CDC25A: variants seen among roughly 807,000 people sequenced by gnomAD.
CDC25A encodes the protein M-phase inducer phosphatase 1.
CDC25A carries 17 observed loss-of-function variants against 64.6 expected under a neutral mutation model. The observed-to-expected ratio is 0.26, with a 90% confidence interval of 0.18 to 0.39. CDC25A has a LOEUF of 0.39. Ranked by LOEUF, CDC25A falls within the 10% of genes least tolerant of loss-of-function variation. The pLI, the probability that CDC25A is intolerant of heterozygous loss-of-function variation, is 1.00. For missense variants in CDC25A, 473 were observed against 654.8 expected, an observed-to-expected ratio of 0.72 and a Z score of 3.03; for synonymous variants, 229 against 238.6, an observed-to-expected ratio of 0.96 and a Z score of 0.37.
chr3:48,172,167 C>T (rs536510665), intron 9 of CDC25A, among the ~76,000 whole-genome samples: 1 of 151,990 alleles, frequency 6.6e-6, no homozygotes, highest in Non-Finnish European at 1.5e-5. Context: ...CTGTGCCCCC[C>T]ACAAACAAAA....
intron 6 of CDC25A, among the ~76,000 whole-genome samples, chr3:48,178,285 T>C (rs968412092): frequency 1.7e-4 from 26 of 152,188 alleles, no homozygotes; most frequent in African/African-American, 5.8e-4. Context: ...TATTAGAAGG[T>C]TGCATCAGTG....
intron 9 of CDC25A, 146 bp downstream of exon 9, chr3:48,174,138 A>AAC: frequency 8.6e-6 from 6 of 694,780 alleles, no homozygotes; most frequent in Non-Finnish European, 1.4e-5. Context: ...TATTAAAAGA[A>AAC]ACACACACAC....
chr3:48,159,987 A>G (rs1450608519), intron 13 of CDC25A, among the ~76,000 whole-genome samples: 1 of 152,064 alleles, frequency 6.6e-6, no homozygotes, highest in Non-Finnish European at 1.5e-5. Flanking sequence ...AGTCCTTCAG[A>G]GGCCTACAGC....
Position 48,164,524 on chromosome 3 carries a change from A to G in CDC25A, c.1192-87T>C, listed in dbSNP as rs1364462231. 42 of 1,261,948 alleles carry G rather than the reference A, an allele frequency of 3.3e-5. 1 individual carries two copies. The highest frequency in any genetic ancestry group is 4.0e-4 in the Middle Eastern group (2 of 5,052). The allele number at this position is 1,261,948 out of a possible 1,614,324, so 78.2% of individuals were successfully genotyped here. A position where few individuals can be genotyped will look rare whatever the true frequency, so the allele number is the denominator to read the frequency against. On this transcript the variant is annotated intron_variant, in intron 12 of 14. Coordinates refer to ENST00000302506, the MANE Select transcript of CDC25A (RefSeq NM_001789.3). The stretch of plus-strand genomic sequence containing the variant: ...AAGATGTAATGATTCATCAAGAGTG[A>G]TCTTTAAGTCCACAAGACCAGTTTG...
chr3:48,160,847 C>A (rs2031727581), intron 13 of CDC25A, among the ~76,000 whole-genome samples: 1 of 152,028 alleles, frequency 6.6e-6, no homozygotes, highest in Non-Finnish European at 1.5e-5. Flanking sequence ...TAGCTTAAAC[C>A]ATTTGCCTGT....
chr3:48,165,985 TA>T, intron 10 of CDC25A, 92 bp from the exon 11 acceptor site: 1 of 923,876 alleles, frequency 1.1e-6, no homozygotes, highest in Non-Finnish European at 1.7e-6. Flanking sequence ...AGGCATCTTT[TA>T]AAAAACAAAC....
intron 12 of CDC25A, among the ~76,000 whole-genome samples, 200 bp from the exon 13 acceptor site, chr3:48,164,637 A>T (rs1336035688): frequency 6.6e-6 from 1 of 152,170 alleles, no homozygotes; most frequent in African/African-American, 2.4e-5. Context: ...GTACACGTTC[A>T]TCATACAGTA....
chr3:48,182,162 A>G (rs552661042), intron 5 of CDC25A, among the ~76,000 whole-genome samples: 1 of 152,324 alleles, frequency 6.6e-6, no homozygotes, highest in Non-Finnish European at 1.5e-5. Context: ...TCATTTCCAT[A>G]TTCTTTCTCA....
rs2032096507 is a variant in CDC25A, at chr3:48,167,936, A to T, written c.939T>A (p.His313Gln). The T allele has an allele frequency of 1.9e-6, 3 of 1,592,496 alleles. No individual in the cohort carries two copies. Among genetic ancestry groups the T allele is most frequent in the Non-Finnish European group, 2.6e-6 (3 of 1,160,382 alleles). Residue 313 changes from histidine to glutamine, a missense_variant, in exon 10 of 15, where the codon CAT becomes CAA. His to Gln is a conservative substitution (Grantham distance 24). Around this residue, in one of 2 missense-constraint regions of CDC25A, gnomAD observed 376 missense variants for 431.9 expected, o/e 0.87. Coordinates refer to ENST00000302506, the MANE Select transcript of CDC25A (RefSeq NM_001789.3). ...GGGAAGATGCCAGGGATAAAGACTG[A>T]TGAAGAGTCTGTAACAAATCAAAGG... ...TNPEKAHETL[H>Q]QSLSLASSPK... is the part of the protein sequence containing the mutation.
chr3:48,165,809 G>T (rs202211000), intron 11 of CDC25A, 22 bp downstream of exon 11: 159 of 1,596,418 alleles, frequency 1.0e-4, no homozygotes, highest in Non-Finnish European at 1.3e-4. Flanking sequence ...ATGTGTGGTG[G>T]GTTTCAAAAG....
At chr3:48,165,136 G>C (rs2031952890) in intron 12 of CDC25A, among the ~76,000 whole-genome samples, 1 of 128,966 alleles carries the variant, frequency 7.8e-6, no homozygotes, top group Non-Finnish European at 1.8e-5. Context: ...AGATTAAAAT[G>C]GCAAAATCAG....
chr3:48,157,321 C>G lies in CDC25A; in HGVS notation c.*1624G>C, dbSNP rs1559953074. ...CTTTCTTACAAACAATATCATTAAC[C>G]AGTTGGAATCTGTCTCAATGCGCGT... On this transcript the variant is annotated 3_prime_UTR_variant, in exon 15 of 15. Coordinates refer to ENST00000302506, the MANE Select transcript of CDC25A (RefSeq NM_001789.3). The G allele has an allele frequency of 6.6e-6, 1 of 152,294 alleles. No homozygotes were observed. The highest frequency in any genetic ancestry group is 2.4e-5 in the African/African-American group (1 of 41,444). The allele number at this position is 152,294 out of a possible 1,614,324, so 9.4% of individuals were successfully genotyped here.
At chr3:48,186,849 G>A in intron 1 of CDC25A, 70 bp from the exon 2 acceptor site, 2 of 1,038,720 alleles carry the variant, frequency 1.9e-6, no homozygotes, top group South Asian at 1.4e-5. Flanking sequence ...CAGGAGATAG[G>A]CCATGAGATT....
chr3:48,184,751 T>C, intron 2 of CDC25A, 56 bp from the exon 3 acceptor site: 1 of 1,297,680 alleles, frequency 7.7e-7, no homozygotes, highest in Non-Finnish European at 1.1e-6. Flanking sequence ...CATTTTGTCA[T>C]TAAAATTAAA....
chr3:48,175,784 G>A (rs2032433018), intron 8 of CDC25A, among the ~76,000 whole-genome samples: 1 of 152,154 alleles, frequency 6.6e-6, no homozygotes, highest in South Asian at 2.1e-4. Flanking sequence ...AAAATGACCT[G>A]GTAAATTTAC....
intron 8 of CDC25A, 32 bp from the exon 9 acceptor site, chr3:48,174,489 T>C: frequency 6.3e-7 from 1 of 1,591,376 alleles, no homozygotes; most frequent in Non-Finnish European, 8.5e-7. Context: ...AGACCCATCT[T>C]TCATTAAAAC....
At chr3:48,186,620 T>C in intron 2 of CDC25A, 83 bp downstream of exon 2, 1 of 837,568 alleles carries the variant, frequency 1.2e-6, no homozygotes, top group Non-Finnish European at 2.0e-6. Flanking sequence ...TTCCTCAAGT[T>C]CTCACCAAAA....
chr3:48,177,739 T>G lies in CDC25A; in HGVS notation c.684+115A>C, dbSNP rs545238807. On this transcript the variant is annotated intron_variant, in intron 7 of 14. Transcript: ENST00000302506. ...AATTATCACCAAATGAACAAAAATATCAGCTAAGCAAGCCCCGGGGAACTG... is the reference window on the plus strand; with the variant it reads ...AATTATCACCAAATGAACAAAAATAGCAGCTAAGCAAGCCCCGGGGAACTG... The G allele has an allele frequency of 3.5e-5, 41 of 1,179,090 alleles. No homozygotes were observed. The East Asian group carries it at 9.4e-4, about 27-fold the overall frequency. 73.0% of individuals were successfully genotyped at this position (1,179,090 alleles called of 1,614,324 possible). A position where few individuals can be genotyped will look rare whatever the true frequency, so the allele number is the denominator to read the frequency against.
intron 13 of CDC25A, among the ~76,000 whole-genome samples, chr3:48,161,866 G>A (rs993170263): frequency 6.6e-6 from 1 of 152,138 alleles, no homozygotes; most frequent in African/African-American, 2.4e-5. Flanking sequence ...TTCGAGACCA[G>A]CCTGGCCAAT....
Sources: allele counts gnomAD v4.1 joint callset (sites outside exome capture counted in the v4.1 genomes callset), GRCh38; gene constraint gnomAD v4.1.1; regional missense constraint gnomAD v4.1.1; transcripts MANE v1.5; gene names NCBI Gene and HGNC (gene_info 2026-07-23, HGNC 2026-07-21).